Variants in CCDC90B observed in about 807,000 individuals in gnomAD.
CCDC90B encodes the protein coiled-coil domain-containing protein 90B, mitochondrial.
In CCDC90B, 24 loss-of-function variants were observed where a neutral mutation model predicts 37.0. That is an observed-to-expected ratio of 0.65 (90% confidence interval 0.47 to 0.91). The LOEUF (loss-of-function observed/expected upper bound fraction) is 0.91, where lower values mean the gene tolerates loss of function less well. Ranked by LOEUF, CCDC90B falls within the 40% of genes least tolerant of loss-of-function variation. CCDC90B has a pLI of 0.00. For synonymous variants in CCDC90B, 113 were observed against 101.1 expected, an observed-to-expected ratio of 1.12 and a Z score of -0.71; for missense variants, 319 against 299.0, an observed-to-expected ratio of 1.07 and a Z score of -0.49.
chr11:83,261,579 A>G lies in CCDC90B; in HGVS notation c.*332T>C, dbSNP rs1446003515. The G allele has an allele frequency of 5.6e-6, 1 of 179,544 alleles. No homozygotes were observed. The highest frequency in any genetic ancestry group is 2.4e-5 in the African/African-American group (1 of 42,546). The allele number at this position is 179,544 out of a possible 1,614,324, so 11.1% of individuals were successfully genotyped here. On this transcript the variant is annotated 3_prime_UTR_variant, in exon 9 of 9. Coordinates refer to ENST00000529689, the MANE Select transcript of CCDC90B (RefSeq NM_021825.5). ...TACAAATATTCAACCAATACCCACA[A>G]AATCCTGTATGATTTACACAACTGT...
At chr11:83,272,687 GAAGT>G (rs1291262088) in intron 7 of CCDC90B, among the ~76,000 whole-genome samples, 1 of 152,184 alleles carries the variant, frequency 6.6e-6, no homozygotes, top group African/African-American at 2.4e-5. Flanking sequence ...ATCTGGCCAA[GAAGT>G]AAGGGAAGAG....
rs1270122959 is a variant in CCDC90B, at chr11:83,280,159, G to C, written c.202C>G (p.Gln68Glu). Residue 68 changes from glutamine to glutamate, a missense_variant, in exon 2 of 9, where the codon CAG becomes GAG. Transcript: ENST00000529689. ...TTCTCACCATGAGTTTCCAAGTCCT[G>C]AACCAATGCATGGGTATCAAAAGTT... is the stretch of plus-strand genomic sequence containing the variant. ...KLTFDTHALV[Q>E]DLETHGFDKT... The C allele has an allele frequency of 1.2e-5, 19 of 1,611,884 alleles. No homozygotes were observed. Among genetic ancestry groups the C allele is most frequent in the Non-Finnish European group, 1.4e-5 (17 of 1,179,696 alleles).
At chr11:83,266,129 T>C (rs1187409311) in intron 7 of CCDC90B, 150 bp from the exon 8 acceptor site, 9 of 539,370 alleles carry the variant, frequency 1.7e-5, no homozygotes, top group East Asian at 1.3e-4. Flanking sequence ...GTAAAAAAAT[T>C]TGAAGTGTTC....
intron 7 of CCDC90B, among the ~76,000 whole-genome samples, chr11:83,268,626 C>A (rs1357930670): frequency 6.6e-6 from 1 of 152,116 alleles, no homozygotes; most frequent in Admixed American, 6.5e-5. Context: ...TAGAAACCGA[C>A]AAAAAGACTT....
chr11:83,263,282 A>T (rs1864039011), intron 8 of CCDC90B, among the ~76,000 whole-genome samples: 1 of 152,056 alleles, frequency 6.6e-6, no homozygotes, highest in African/African-American at 2.4e-5. Flanking sequence ...GGTGAAGTAT[A>T]CTCTACTTCA....
At chr11:83,273,622 G>C (rs1317150086) in intron 7 of CCDC90B, 25 bp downstream of exon 7, 1 of 1,538,062 alleles carries the variant, frequency 6.5e-7, no homozygotes, top group Non-Finnish European at 8.9e-7. Context: ...CTGTACAAAA[G>C]AGACATTTTT....
intron 1 of CCDC90B, among the ~76,000 whole-genome samples, chr11:83,280,884 A>G (rs996221771): frequency 4.6e-5 from 7 of 152,232 alleles, no homozygotes; most frequent in Non-Finnish European, 8.8e-5. Context: ...TGTTGATTCA[A>G]TCAATGAATT....
intron 3 of CCDC90B, among the ~76,000 whole-genome samples, chr11:83,275,519 CAAA>C (rs35773488): frequency 3.0e-5 from 4 of 133,434 alleles, no homozygotes; most frequent in Non-Finnish European, 4.8e-5. Flanking sequence ...GCAAATATTC[CAAA>C]AAAAAAAAAA....
intron 7 of CCDC90B, among the ~76,000 whole-genome samples, chr11:83,271,293 G>A (rs1287848883): frequency 3.3e-5 from 5 of 152,162 alleles, no homozygotes; most frequent in African/African-American, 1.2e-4. Flanking sequence ...TTAAACTAAA[G>A]AGCTTCTGTA....
intron 2 of CCDC90B, among the ~76,000 whole-genome samples, chr11:83,279,402 A>T (rs1865252007): frequency 6.6e-6 from 1 of 152,094 alleles, no homozygotes; most frequent in Non-Finnish European, 1.5e-5. Context: ...TAATTGGCAT[A>T]AAAAATTGTA....
intron 3 of CCDC90B, 117 bp from the exon 4 acceptor site, chr11:83,274,857 C>A: frequency 3.5e-6 from 2 of 577,632 alleles, no homozygotes; most frequent in Non-Finnish European, 3.0e-6. Flanking sequence ...ATAATGTTGA[C>A]TGGTTAAGTA....
intron 5 of CCDC90B, 32 bp from the exon 6 acceptor site, chr11:83,273,896 A>T: frequency 1.3e-6 from 2 of 1,595,600 alleles, no homozygotes; most frequent in East Asian, 2.2e-5. Context: ...TTAAAAAATG[A>T]TCTTGTAACG....
chr11:83,273,488 G>T, intron 7 of CCDC90B, 159 bp downstream of exon 7: 1 of 469,314 alleles, frequency 2.1e-6, no homozygotes, highest in Non-Finnish European at 3.7e-6. Flanking sequence ...CTGGTGCCAG[G>T]TTCCCCAAAA....
chr11:83,274,405 A>C, intron 4 of CCDC90B: 1 of 288,500 alleles, frequency 3.5e-6, no homozygotes, highest in Non-Finnish European at 6.3e-6. Context: ...ATTTTGTTTT[A>C]TGTGGTTTTA....
chr11:83,285,920 C>T lies in CCDC90B; in HGVS notation c.53G>A (p.Arg18His), dbSNP rs771565634. 6.2e-7 allele frequency: 1 copy of T among 1,613,614 alleles called. No individual in the cohort carries two copies. Among genetic ancestry groups the T allele is most frequent in the South Asian group, 1.1e-5 (1 of 91,014 alleles). The change falls in exon 1 of 9, where the codon CGT becomes CAT. Residue 18 changes from arginine to histidine, a missense_variant. By Grantham distance (29) the Arg-to-His change is conservative. Coordinates refer to ENST00000529689, the MANE Select transcript of CCDC90B (RefSeq NM_021825.5). ...RLFLSQGRGD[R>H]WVSRPRGHFS... ...ATGCCCGCGGGGCCTTGAAACCCAA[C>T]GATCTCCTCTGCCTTGGGAGAGAAA...
intron 1 of CCDC90B, among the ~76,000 whole-genome samples, chr11:83,281,587 T>C (rs1014132018): frequency 1.3e-5 from 2 of 152,184 alleles, no homozygotes; most frequent in African/African-American, 4.8e-5. Context: ...CAGTAATCTT[T>C]TTCACTTGAA....
In CCDC90B at chr11:83,272,554, T is replaced by G. The variant is rs1157970259; in HGVS notation, c.594+1093A>C. Among the ~76,000 whole-genome samples, 4 of 152,050 alleles carry G rather than the reference T, an allele frequency of 2.6e-5. 1 individual carries two copies. Among genetic ancestry groups the G allele is most frequent in the Non-Finnish European group, 1.5e-5 (1 of 67,992 alleles). On this transcript the variant is annotated intron_variant, in intron 7 of 8. Transcript: ENST00000529689. ...GGCGCCAGTATTAAAGGAACTGGCA[T>G]AAATAACCTGATGGGTAACACTGAT...
Position 83,261,881 on chromosome 11 carries a change from C to A in CCDC90B, c.*30G>T, listed in dbSNP as rs768916127. ...TCTCCCGGTTTGGTGTTCTAAGAAG[C>A]CAACAGCCACAGCAGGATGAGCATT... On this transcript the variant is annotated 3_prime_UTR_variant, in exon 9 of 9. Coordinates refer to ENST00000529689, the MANE Select transcript of CCDC90B (RefSeq NM_021825.5). The A allele has an allele frequency of 6.5e-7, 1 of 1,545,046 alleles. No individual in the cohort carries two copies. The highest frequency in any genetic ancestry group is 8.8e-7 in the Non-Finnish European group (1 of 1,134,534).
chr11:83,279,976 A>C (rs1865289423), intron 2 of CCDC90B, among the ~76,000 whole-genome samples, 165 bp downstream of exon 2: 1 of 152,074 alleles, frequency 6.6e-6, no homozygotes, highest in African/African-American at 2.4e-5. Flanking sequence ...CATATCAGTA[A>C]ATATTTCTCA....
Sources: gnomAD v4.1 joint callset for allele counts (sites outside exome capture counted in the v4.1 genomes callset) on GRCh38, gnomAD v4.1.1 for gene constraint, MANE v1.5 for transcripts, NCBI Gene and HGNC (gene_info 2026-07-23, HGNC 2026-07-21) for gene names.